NALCN: variants seen among roughly 807,000 people sequenced by gnomAD.
NALCN encodes sodium leak channel, non-selective.
A neutral mutation model predicts 225.3 loss-of-function variants in NALCN; 111 were observed. The observed-to-expected ratio is 0.49, with a 90% CI of 0.42 to 0.58. NALCN has a LOEUF of 0.58. Among genes scored for constraint, NALCN ranks in the 20% least tolerant of loss-of-function variants. The probability of loss-of-function intolerance (pLI) is 0.00; values close to 1 mark genes in which losing one functional copy is unlikely to be tolerated. For missense variants in NALCN, 1,378 were observed against 2,202.4 expected (o/e 0.63, Z 7.49); for synonymous variants, 764 against 769.0 (o/e 0.99, Z 0.11).
intron 38 of NALCN, among the ~76,000 whole-genome samples, chr13:101,068,401 T>C (rs2032594584): frequency 6.6e-6 from 1 of 152,182 alleles, no homozygotes; most frequent in Non-Finnish European, 1.5e-5. Flanking sequence ...ATAAATGTGA[T>C]ATTTCAAGGC....
At chr13:101,359,645 T>A (rs2046168151) in intron 6 of NALCN, among the ~76,000 whole-genome samples, 1 of 152,232 alleles carries the variant, frequency 6.6e-6, no homozygotes. Context: ...AACCATCACA[T>A]TTAATCTGGC....
intron 13 of NALCN, among the ~76,000 whole-genome samples, chr13:101,196,276 C>T (rs2039886615): frequency 6.6e-6 from 1 of 152,172 alleles, no homozygotes; most frequent in African/African-American, 2.4e-5. Context: ...TCTCAAGTAG[C>T]TTCCAGATTC....
At chr13:101,174,622 A>G (rs1346641285) in intron 15 of NALCN, among the ~76,000 whole-genome samples, 1 of 152,208 alleles carries the variant, frequency 6.6e-6, no homozygotes, top group Admixed American at 6.5e-5. Context: ...GTTGAAAAAA[A>G]TGAACACTGC....
In NALCN at chr13:101,345,336, A is replaced by T. The variant is rs763214438; in HGVS notation, c.729T>A (p.Phe243Leu). Residue 243 changes from phenylalanine to leucine, a missense_variant, in exon 7 of 44, where the codon TTT (phenylalanine) becomes TTA (leucine). Phe to Leu is a conservative substitution (Grantham distance 22). Transcript: ENST00000251127. ...CCAGATCTTCAAGGTCCATGCATTTAAATCCAGGTGGGCACTGGTAGCCTT... is the reference window on the plus strand; with the variant it reads ...CCAGATCTTCAAGGTCCATGCATTTTAATCCAGGTGGGCACTGGTAGCCTT... ...LEEGYQCPPG[F>L]KCMDLEDLGL... is the part of the protein sequence containing the mutation. 6 of 1,613,840 alleles carry T rather than the reference A, an allele frequency of 3.7e-6. No individual in the cohort carries two copies. Among genetic ancestry groups the T allele is most frequent in the Non-Finnish European group, 2.5e-6 (3 of 1,179,804 alleles).
intron 7 of NALCN, among the ~76,000 whole-genome samples, chr13:101,339,107 G>A (rs2045476893): frequency 6.6e-6 from 1 of 152,214 alleles, no homozygotes; most frequent in Non-Finnish European, 1.5e-5. Context: ...AACAGCGGAA[G>A]TAGGAACTGA....
chr13:101,290,969 T>C (rs180884372), intron 9 of NALCN, among the ~76,000 whole-genome samples: 4 of 152,194 alleles, frequency 2.6e-5, no homozygotes, highest in African/African-American at 2.4e-5. Context: ...CCTTCCTTTT[T>C]TTAACACCAC....
chr13:101,367,512 C>A (rs907345359), intron 6 of NALCN, among the ~76,000 whole-genome samples: 1 of 152,054 alleles, frequency 6.6e-6, no homozygotes, highest in Non-Finnish European at 1.5e-5. Context: ...TTTTCTTCCT[C>A]TTTTATCCCT....
intron 15 of NALCN, among the ~76,000 whole-genome samples, chr13:101,158,364 C>A (rs997922020): frequency 6.6e-6 from 1 of 152,252 alleles, no homozygotes; most frequent in African/African-American, 2.4e-5. Flanking sequence ...TTGGCTTGGC[C>A]TCTGCCTGTG....
At chr13:101,322,233 C>A (rs1999870) in intron 7 of NALCN, among the ~76,000 whole-genome samples, 1 of 151,894 alleles carries the variant, frequency 6.6e-6, no homozygotes, top group African/African-American at 2.4e-5. Flanking sequence ...CTGTGTGACT[C>A]TGGTGTGCAA....
chr13:101,086,560 A>C (rs2033942395), intron 30 of NALCN, among the ~76,000 whole-genome samples: 1 of 151,850 alleles, frequency 6.6e-6, no homozygotes, highest in Admixed American at 6.6e-5. Context: ...CTTCTGGGAG[A>C]CACATTTTGT....
intron 42 of NALCN, 107 bp downstream of exon 42, chr13:101,059,711 A>C: frequency 1.1e-6 from 1 of 925,940 alleles, no homozygotes; most frequent in Non-Finnish European, 1.5e-6. Flanking sequence ...TATTAGAAAT[A>C]TTGTCACCTT....
chr13:101,119,948 G>T (rs2035892444), intron 18 of NALCN, among the ~76,000 whole-genome samples: 1 of 151,956 alleles, frequency 6.6e-6, no homozygotes, highest in African/African-American at 2.4e-5. Context: ...TCATCAAAGA[G>T]TTCTCAAATA....
At chr13:101,236,811 GC>G (rs1264922661) in intron 12 of NALCN, among the ~76,000 whole-genome samples, 1 of 150,822 alleles carries the variant, frequency 6.6e-6, no homozygotes, top group Non-Finnish European at 1.5e-5. Flanking sequence ...TATACCTAAT[GC>G]TAGATGACGA....
chr13:101,291,229 T>G (rs1330160399), intron 9 of NALCN, among the ~76,000 whole-genome samples: 2 of 152,226 alleles, frequency 1.3e-5, no homozygotes, highest in African/African-American at 4.8e-5. Context: ...TAGTTTATTG[T>G]ACTGTGGTTT....
At chr13:101,380,794 A>T (rs914310735) in intron 3 of NALCN, among the ~76,000 whole-genome samples, 1 of 151,896 alleles carries the variant, frequency 6.6e-6, no homozygotes, top group African/African-American at 2.4e-5. Context: ...TGAAGTATAA[A>T]CTCAACTTAA....
In NALCN at chr13:101,068,828, C is replaced by T. The variant is rs1330059648; in HGVS notation, c.4198-1G>A. 6.2e-7 allele frequency: 1 copy of T among 1,602,994 alleles called. No individual in the cohort carries two copies. Among genetic ancestry groups the T allele is most frequent in the Non-Finnish European group, 8.5e-7 (1 of 1,175,738 alleles). On this transcript the variant is annotated splice_acceptor_variant, in intron 37 of 43. Coordinates refer to ENST00000251127, the MANE Select transcript of NALCN (RefSeq NM_052867.4). LOFTEE classifies it high-confidence loss of function. ...CTGGAGTACAAAACGGAGGCTGAAC[C>T]TTTGGGGCATTGGGGTGGAAGAAGG...
intron 15 of NALCN, among the ~76,000 whole-genome samples, chr13:101,150,077 A>G (rs2037562532): frequency 1.3e-5 from 1 of 76,348 alleles, no homozygotes; most frequent in Non-Finnish European, 2.6e-5. Context: ...AGTGAACTAC[A>G]TCTCAGTGTA....
chr13:101,270,565 T>G (rs977573558), intron 10 of NALCN, among the ~76,000 whole-genome samples: 8 of 152,166 alleles, frequency 5.3e-5, no homozygotes, highest in African/African-American at 1.9e-4. Flanking sequence ...ATAAAATAAT[T>G]TTGAGCTATG....
intron 7 of NALCN, among the ~76,000 whole-genome samples, chr13:101,330,360 G>C (rs2045120652): frequency 6.6e-6 from 1 of 152,116 alleles, no homozygotes; most frequent in Non-Finnish European, 1.5e-5. Flanking sequence ...GGGCTTCTGG[G>C]TCCCAATAGA....
Sources: gnomAD v4.1 joint callset for allele counts (sites outside exome capture counted in the v4.1 genomes callset) on GRCh38, gnomAD v4.1.1 for gene constraint, MANE v1.5 for transcripts, NCBI Gene and HGNC (gene_info 2026-07-23, HGNC 2026-07-21) for gene names.